UNC13C: variants seen among roughly 807,000 people sequenced by gnomAD.
UNC13C encodes the protein protein unc-13 homolog C.
UNC13C carries 174 observed loss-of-function variants against 245.4 expected under a neutral mutation model. That is an observed-to-expected ratio of 0.71 (90% confidence interval 0.63 to 0.80). The LOEUF (loss-of-function observed/expected upper bound fraction) is 0.80. Among genes scored for constraint, UNC13C ranks in the 30% least tolerant of loss-of-function variants. The probability of loss-of-function intolerance (pLI) is 0.00; values close to 1 mark genes in which losing one functional copy is unlikely to be tolerated. For missense variants in UNC13C, 2,829 were observed against 2,602.9 expected (o/e 1.09, Z -1.89); for synonymous variants, 992 against 895.1 (o/e 1.11, Z -1.93).
chr15:53,868,153 A>G, the UNC13C span, among the ~76,000 whole-genome samples: 1 of 152,268 alleles, frequency 6.6e-6, no homozygotes, highest in East Asian at 1.9e-4. Context: ...TTATCATATT[A>G]AACTATCAAT....
rs61341886 is a variant in UNC13C, at chr15:53,996,832, G to GT, written c.-256-15805dup. The stretch of plus-strand genomic sequence containing the variant: ...ATTTGTATATTCATTCTCCTGATGG[G>GT]TTTTTTTTTTTCATTTTTTGGCTAT... On this transcript the variant is annotated intron_variant, in intron 1 of 32. Coordinates refer to ENST00000260323, the MANE Select transcript of UNC13C (RefSeq NM_001080534.3). 5.9e-4 allele frequency among the ~76,000 whole-genome samples: 84 copies of GT among 143,572 alleles called. 1 individual carries two copies. The highest frequency in any genetic ancestry group is 2.6e-3 in the East Asian group (13 of 4,952). 94.2% of individuals were successfully genotyped at this position (143,572 alleles called of 152,430 possible). A position where few individuals can be genotyped will look rare whatever the true frequency, so the allele number is the denominator to read the frequency against.
the UNC13C span, among the ~76,000 whole-genome samples, chr15:53,959,286 T>G: frequency 6.6e-6 from 1 of 152,182 alleles, no homozygotes; most frequent in Non-Finnish European, 1.5e-5. Flanking sequence ...TACTGTTTTT[T>G]TTTTCTCTTG....
At chr15:54,203,353 T>C (rs2034581594) in intron 4 of UNC13C, among the ~76,000 whole-genome samples, 1 of 151,530 alleles carries the variant, frequency 6.6e-6, no homozygotes, top group Non-Finnish European at 1.5e-5. Flanking sequence ...AAGAAGTCAC[T>C]ATACCAAAAA....
rs201375684 is a variant in UNC13C, at chr15:54,015,896, T to G, written c.2983+10T>G. ...AAGATCTTGGCTGGAGGTATTCATG[T>G]TTAAATGCTACATTGTGAGCTAATT... On this transcript the variant is annotated intron_variant, in intron 2 of 32. Coordinates refer to ENST00000260323, the MANE Select transcript of UNC13C (RefSeq NM_001080534.3). The G allele has an allele frequency of 1.6e-3, 2,484 of 1,552,558 alleles. 3 individuals are homozygous for G. Among genetic ancestry groups the G allele is most frequent in the Non-Finnish European group, 2.0e-3 (2,319 of 1,151,862 alleles).
At chr15:54,431,813 T>A (rs771555979) in intron 19 of UNC13C, among the ~76,000 whole-genome samples, 2 of 151,656 alleles carry the variant, frequency 1.3e-5, no homozygotes, top group Non-Finnish European at 3.0e-5. Flanking sequence ...ATTTTAAAAA[T>A]CTACTGCACA....
chr15:53,959,446 A>C, the UNC13C span, among the ~76,000 whole-genome samples: 552 of 152,220 alleles, frequency 3.6e-3, 2 homozygotes, highest in Non-Finnish European at 6.4e-3. Flanking sequence ...TATCCTCACC[A>C]GCATTTCTTA....
chr15:54,066,424 C>T (rs183333034), intron 2 of UNC13C, among the ~76,000 whole-genome samples: 161 of 152,252 alleles, frequency 1.1e-3, no homozygotes, highest in African/African-American at 3.5e-3. Context: ...TTTGTGTCTT[C>T]GCTGTTTTCA....
At chr15:53,932,691 T>C in the UNC13C span, among the ~76,000 whole-genome samples, 1 of 152,174 alleles carries the variant, frequency 6.6e-6, no homozygotes, top group African/African-American at 2.4e-5. Flanking sequence ...CCTTTAAATA[T>C]TGCAGTTTCC....
At chr15:53,994,682 G>A (rs1389182787) in intron 1 of UNC13C, among the ~76,000 whole-genome samples, 1 of 152,114 alleles carries the variant, frequency 6.6e-6, no homozygotes, top group Non-Finnish European at 1.5e-5. Context: ...CACAATTAAT[G>A]AAGGGAGAAC....
At chr15:54,009,578 C>G (rs554932906) in intron 1 of UNC13C, among the ~76,000 whole-genome samples, 2 of 146,242 alleles carry the variant, frequency 1.4e-5, no homozygotes, top group African/African-American at 5.1e-5. Context: ...GATGAAATCT[C>G]GCTTTGTCAC....
intron 8 of UNC13C, among the ~76,000 whole-genome samples, chr15:54,252,793 T>G (rs1240061943): frequency 1.3e-5 from 2 of 152,172 alleles, no homozygotes; most frequent in African/African-American, 4.8e-5. Context: ...GTAAGACAGT[T>G]CTATGATTTT....
At chr15:54,513,477 G>A (rs1003536570) in intron 24 of UNC13C, among the ~76,000 whole-genome samples, 2 of 152,130 alleles carry the variant, frequency 1.3e-5, no homozygotes, top group Admixed American at 6.6e-5. Context: ...CAAGCCACTT[G>A]CTAATTAAAA....
At chr15:54,304,652 C>CT (rs2037678308) in intron 13 of UNC13C, among the ~76,000 whole-genome samples, 1 of 67,072 alleles carries the variant, frequency 1.5e-5, no homozygotes. Context: ...TGAGATGTAA[C>CT]TAAAAAAAAA....
intron 2 of UNC13C, among the ~76,000 whole-genome samples, chr15:54,090,687 C>T (rs1366389512): frequency 6.6e-6 from 1 of 152,104 alleles, no homozygotes; most frequent in Non-Finnish European, 1.5e-5. Flanking sequence ...GTTACTCATC[C>T]CTTTTTCCAT....
intron 13 of UNC13C, among the ~76,000 whole-genome samples, chr15:54,310,810 A>G (rs1033939714): frequency 6.6e-6 from 1 of 151,720 alleles, no homozygotes; most frequent in Admixed American, 6.6e-5. Context: ...ACACATGCAC[A>G]CACACTTTGC....
At chr15:53,993,733 A>C (rs946164413) in intron 1 of UNC13C, among the ~76,000 whole-genome samples, 3 of 152,056 alleles carry the variant, frequency 2.0e-5, no homozygotes, top group Non-Finnish European at 4.4e-5. Context: ...AACGTTTTAG[A>C]AAATAGCAGA....
intron 2 of UNC13C, among the ~76,000 whole-genome samples, chr15:54,044,087 G>A (rs1428461834): frequency 6.6e-6 from 1 of 151,940 alleles, no homozygotes; most frequent in African/African-American, 2.4e-5. Context: ...TTTTTCCCCT[G>A]CCCCCAGCCT....
intron 2 of UNC13C, among the ~76,000 whole-genome samples, chr15:54,065,324 A>G (rs1447548461): frequency 6.6e-6 from 1 of 151,246 alleles, no homozygotes; most frequent in Admixed American, 6.6e-5. Context: ...TCCCAATTCC[A>G]CTCTCCGATA....
At chr15:54,048,743 A>G (rs756778852) in intron 2 of UNC13C, 7 of 283,548 alleles carry the variant, frequency 2.5e-5, no homozygotes, top group African/African-American at 6.8e-5. Context: ...CAGGGAGAAT[A>G]ACAGGATATG....
Sources: gnomAD v4.1 joint callset for allele counts (sites outside exome capture counted in the v4.1 genomes callset) on GRCh38, gnomAD v4.1.1 for gene constraint, MANE v1.5 for transcripts, NCBI Gene and HGNC (gene_info 2026-07-23, HGNC 2026-07-21) for gene names.